EPHA6: variants seen among roughly 807,000 people sequenced by gnomAD.
EPHA6 encodes EPH receptor A6, also known as ephrin type-A receptor 6.
In EPHA6, 50 loss-of-function variants were observed where a neutral mutation model predicts 112.0. The ratio of observed to expected loss-of-function variants is 0.45; its 90% CI spans 0.36 to 0.56. The LOEUF is 0.56. EPHA6 is among the 20% of genes least tolerant of loss of function. EPHA6 has a pLI of 0.00. For synonymous variants in EPHA6, 529 were observed against 490.7 expected (o/e 1.08, Z -1.03); for missense variants, 1,280 against 1,417.4 (o/e 0.90, Z 1.56).
chr3:97,537,069 A>G (rs1209460887), intron 11 of EPHA6, among the ~76,000 whole-genome samples: 1 of 152,164 alleles, frequency 6.6e-6, no homozygotes, highest in African/African-American at 2.4e-5. Flanking sequence ...AGAAAATAGA[A>G]AAGTTCAGGA....
At chr3:97,025,776 A>ATTTCACTC (rs2044616553) in intron 3 of EPHA6, among the ~76,000 whole-genome samples, 1 of 151,878 alleles carries the variant, frequency 6.6e-6, no homozygotes, top group Non-Finnish European at 1.5e-5. Context: ...TTTAGTAGAG[A>ATTTCACTC]TGGGGTTTCA....
intron 2 of EPHA6, among the ~76,000 whole-genome samples, chr3:96,975,489 T>C (rs1158282604): frequency 6.6e-6 from 1 of 152,196 alleles, no homozygotes; most frequent in East Asian, 1.9e-4. Context: ...TTATTGTTAT[T>C]ATGAAAATAA....
chr3:97,312,366 G>A (rs2081601539), intron 5 of EPHA6, among the ~76,000 whole-genome samples: 1 of 151,598 alleles, frequency 6.6e-6, no homozygotes, highest in Non-Finnish European at 1.5e-5. Flanking sequence ...TTTGCGTGGA[G>A]TGGAGAACAC....
At chr3:97,171,041 G>C (rs1311182303) in intron 3 of EPHA6, among the ~76,000 whole-genome samples, 1 of 152,092 alleles carries the variant, frequency 6.6e-6, no homozygotes, top group Non-Finnish European at 1.5e-5. Context: ...GGACTGAAAA[G>C]GAGTGAGAAA....
intron 3 of EPHA6, among the ~76,000 whole-genome samples, chr3:97,100,255 T>A (rs1457739913): frequency 4.7e-5 from 7 of 149,190 alleles, no homozygotes; most frequent in Non-Finnish European, 1.0e-4. Flanking sequence ...TCTATATATT[T>A]TATATATATA....
At chr3:97,190,808 G>A (rs9876734) in intron 3 of EPHA6, among the ~76,000 whole-genome samples, 2 of 151,822 alleles carry the variant, frequency 1.3e-5, no homozygotes, top group African/African-American at 4.8e-5. Flanking sequence ...CATGGCACAT[G>A]TATACATATG....
chr3:96,984,912 G>A (rs1157226036), intron 2 of EPHA6, among the ~76,000 whole-genome samples: 1 of 152,222 alleles, frequency 6.6e-6, no homozygotes, highest in Non-Finnish European at 1.5e-5. Context: ...CACAGTATTA[G>A]GGTGGGAGTG....
intron 2 of EPHA6, among the ~76,000 whole-genome samples, chr3:96,956,115 T>C (rs1448473365): frequency 6.6e-6 from 1 of 152,280 alleles, no homozygotes; most frequent in East Asian, 1.9e-4. Flanking sequence ...AAAAAGAACA[T>C]GAGACGAAAT....
At chr3:96,994,709 G>GTATATATATATATATA (rs66581386) in intron 3 of EPHA6, among the ~76,000 whole-genome samples, 14 of 98,438 alleles carry the variant, frequency 1.4e-4, no homozygotes, top group African/African-American at 6.4e-4. Flanking sequence ...GTGTGTGTGT[G>GTATATATATATATATA]TATATATATA....
rs1355722677 is a variant in EPHA6 at position 97,736,137 on chromosome 3, A to T, written c.3128+19A>T. 1 of 1,584,006 alleles carries T rather than the reference A, an allele frequency of 6.3e-7. No homozygotes were observed. The highest frequency in any genetic ancestry group is 8.6e-7 in the Non-Finnish European group (1 of 1,161,162). On this transcript the variant is annotated intron_variant, in intron 16 of 17. Coordinates refer to ENST00000389672, the MANE Select transcript of EPHA6 (RefSeq NM_001080448.3). The stretch of plus-strand genomic sequence containing the variant: ...TCCTTGTGTAAGAGGCATAATGTTG[A>T]GTTTTTTTCTTCTTGACAATTATGG...
chr3:97,726,403 A>G (rs913350350), intron 15 of EPHA6, among the ~76,000 whole-genome samples: 2 of 152,154 alleles, frequency 1.3e-5, no homozygotes, highest in African/African-American at 4.8e-5. Context: ...CCTATTCGCA[A>G]AATAATGTGG....
chr3:97,505,808 TAA>T (rs929112186), intron 10 of EPHA6, among the ~76,000 whole-genome samples: 4 of 152,220 alleles, frequency 2.6e-5, no homozygotes, highest in African/African-American at 7.2e-5. Flanking sequence ...ATCAACAGTG[TAA>T]AAGTGTTCCT....
intron 11 of EPHA6, among the ~76,000 whole-genome samples, chr3:97,548,717 C>T (rs989002301): frequency 1.2e-4 from 18 of 152,122 alleles, no homozygotes; most frequent in African/African-American, 4.3e-4. Flanking sequence ...TGTAATATTC[C>T]TTTGTACGCA....
chr3:97,562,448 A>C (rs1434850089), intron 11 of EPHA6, among the ~76,000 whole-genome samples: 1 of 152,150 alleles, frequency 6.6e-6, no homozygotes, highest in East Asian at 1.9e-4. Context: ...GATGTGGTGG[A>C]AGTCGCAGGA....
intron 5 of EPHA6, among the ~76,000 whole-genome samples, chr3:97,283,901 C>A (rs1317094870): frequency 6.6e-6 from 1 of 152,088 alleles, no homozygotes; most frequent in Non-Finnish European, 1.5e-5. Context: ...AAGGGATACA[C>A]AATAAAGCAA....
At chr3:96,953,099 T>G (rs2041618463) in intron 2 of EPHA6, among the ~76,000 whole-genome samples, 1 of 152,190 alleles carries the variant, frequency 6.6e-6, no homozygotes, top group South Asian at 2.1e-4. Context: ...CCTGGGTTTT[T>G]TATAGCCTAT....
At chr3:97,316,233 A>G (rs2081829071) in intron 5 of EPHA6, among the ~76,000 whole-genome samples, 1 of 151,912 alleles carries the variant, frequency 6.6e-6, no homozygotes, top group Non-Finnish European at 1.5e-5. Context: ...CAGATCAAGA[A>G]TTACACAATA....
intron 5 of EPHA6, among the ~76,000 whole-genome samples, chr3:97,278,080 C>G (rs185913891): frequency 6.6e-6 from 1 of 152,158 alleles, no homozygotes; most frequent in Non-Finnish European, 1.5e-5. Flanking sequence ...TTGATAGATA[C>G]TTAAGTTGTT....
chr3:97,640,639 G>A (rs1017389432), intron 14 of EPHA6, among the ~76,000 whole-genome samples: 1 of 152,044 alleles, frequency 6.6e-6, no homozygotes, highest in Non-Finnish European at 1.5e-5. Context: ...AATTAGCCAG[G>A]CGTGGTGGCG....
Sources: gnomAD v4.1 joint callset for allele counts (sites outside exome capture counted in the v4.1 genomes callset) on GRCh38, gnomAD v4.1.1 for gene constraint, MANE v1.5 for transcripts, NCBI Gene and HGNC (gene_info 2026-07-23, HGNC 2026-07-21) for gene names.